Variants in AGPAT3 observed in about 807,000 individuals in gnomAD.
AGPAT3 encodes 1-acyl-sn-glycerol-3-phosphate acyltransferase gamma.
A neutral mutation model predicts 47.3 loss-of-function variants in AGPAT3; 5 were observed. The ratio of observed to expected loss-of-function variants is 0.11; its 90% CI spans 0.06 to 0.22. AGPAT3 has a LOEUF of 0.22. AGPAT3 is among the 10% of genes least tolerant of loss of function. The pLI is 1.00. For missense variants in AGPAT3, 315 were observed against 493.0 expected, an observed-to-expected ratio of 0.64 and a Z score of 3.42; for synonymous variants, 212 against 208.3, an observed-to-expected ratio of 1.02 and a Z score of -0.15.
chr21:43,943,035 A>G (rs1421724198), intron 2 of AGPAT3, among the ~76,000 whole-genome samples: 1 of 152,154 alleles, frequency 6.6e-6, no homozygotes, highest in Non-Finnish European at 1.5e-5. Flanking sequence ...CTGGGTGGCC[A>G]GGGTGCATGG....
intron 1 of AGPAT3, among the ~76,000 whole-genome samples, chr21:43,899,739 G>A (rs949563776): frequency 2.6e-5 from 4 of 152,026 alleles, no homozygotes; most frequent in African/African-American, 9.7e-5. Context: ...GCATCACCTC[G>A]TGTGTGTGTG....
Position 43,872,689 on chromosome 21 carries a change from C to G in AGPAT3, c.-112+7344C>G, listed in dbSNP as rs143411825. 4.5e-4 allele frequency among the ~76,000 whole-genome samples: 69 copies of G among 152,236 alleles called. 1 individual carries two copies. The highest frequency in any genetic ancestry group is 1.5e-3 in the African/African-American group (62 of 41,540). On this transcript the variant is annotated intron_variant, in intron 1 of 9. Coordinates refer to ENST00000291572, the MANE Select transcript of AGPAT3 (RefSeq NM_020132.5). ...CTTCCTTATATCTTTCGTATTTTTC[C>G]TTCCTGTTTTGCTGCCTGGGCCAGG...
At chr21:43,943,205 G>A (rs2087728445) in intron 2 of AGPAT3, among the ~76,000 whole-genome samples, 1 of 152,154 alleles carries the variant, frequency 6.6e-6, no homozygotes, top group South Asian at 2.1e-4. Flanking sequence ...CTCCCGAGTA[G>A]CTGGGACTAC....
chr21:43,944,512 C>T (rs1222567271), intron 2 of AGPAT3, among the ~76,000 whole-genome samples: 3 of 152,362 alleles, frequency 2.0e-5, no homozygotes, highest in Non-Finnish European at 2.9e-5. Flanking sequence ...GGGGCAGATC[C>T]TGGAGGCCAG....
At position 43,908,209 on chromosome 21, in the gene AGPAT3, A is replaced by G. The variant is rs1281328629; in HGVS notation, c.-49+4190A>G. On this transcript the variant is annotated intron_variant, in intron 2 of 9. Transcript: ENST00000291572. The surrounding 1 kb of genome is among the most constrained non-coding windows in gnomAD (Gnocchi z 4.9). The stretch of plus-strand genomic sequence containing the variant: ...AAGCTTCACTTGTGCCCTAAAGCAC[A>G]AAATACCAGGGCTTGGGGTGAATTT... Among the ~76,000 whole-genome samples the G allele has an allele frequency of 6.6e-6, 1 of 152,202 alleles. No individual in the cohort carries two copies. The highest frequency in any genetic ancestry group is 1.5e-5 in the Non-Finnish European group (1 of 68,036).
chr21:43,919,235 C>T (rs1166879150), intron 2 of AGPAT3, among the ~76,000 whole-genome samples: 5 of 149,022 alleles, frequency 3.4e-5, no homozygotes, highest in South Asian at 2.2e-4. Flanking sequence ...TCTTTAGTGG[C>T]GAATTCTGAG....
chr21:43,936,449 T>A (rs1012082121), intron 2 of AGPAT3, among the ~76,000 whole-genome samples: 1 of 152,242 alleles, frequency 6.6e-6, no homozygotes, highest in African/African-American at 2.4e-5. Context: ...ACGGCCACAG[T>A]GCCTCCCTCC....
At chr21:43,929,434 G>A (rs2087168129) in intron 2 of AGPAT3, among the ~76,000 whole-genome samples, 1 of 152,250 alleles carries the variant, frequency 6.6e-6, no homozygotes. Flanking sequence ...TGACCCCAGA[G>A]CGAGTCAAAG....
At chr21:43,871,175 A>C (rs115124605) in intron 1 of AGPAT3, among the ~76,000 whole-genome samples, 556 of 152,368 alleles carry the variant, frequency 3.6e-3, no homozygotes, top group African/African-American at 0.013. Flanking sequence ...GAACTAATTA[A>C]ATGAGGACAA....
intron 2 of AGPAT3, among the ~76,000 whole-genome samples, chr21:43,944,131 C>G (rs1277710327): frequency 1.3e-5 from 2 of 152,258 alleles, no homozygotes; most frequent in Non-Finnish European, 2.9e-5. Flanking sequence ...CACAGCACCA[C>G]GTGTGCTAGG....
Position 43,982,451 on chromosome 21 carries a change from C to A in AGPAT3, c.*59C>A. On this transcript the variant is annotated 3_prime_UTR_variant, in exon 10 of 10. Transcript: ENST00000291572. This position sits in a 1 kb window ranked among gnomAD's most constrained non-coding sequence, Gnocchi z 6.2. Reference sequence around the variant, plus strand: ...CGGTGGTATCCAGTTAACTCAAAACCAACACACAGAGTGCAGGAAAAGACA... The same window carrying A: ...CGGTGGTATCCAGTTAACTCAAAACAAACACACAGAGTGCAGGAAAAGACA... 8.0e-7 allele frequency: 1 copy of A among 1,254,260 alleles called. No individual in the cohort carries two copies. Among genetic ancestry groups the A allele is most frequent in the Non-Finnish European group, 1.2e-6 (1 of 861,202 alleles). The allele number at this position is 1,254,260 out of a possible 1,614,324, so 77.7% of individuals were successfully genotyped here. A position where few individuals can be genotyped will look rare whatever the true frequency, so the allele number is the denominator to read the frequency against.
intron 1 of AGPAT3, among the ~76,000 whole-genome samples, chr21:43,886,449 A>G (rs767168004): frequency 1.3e-5 from 2 of 151,628 alleles, no homozygotes; most frequent in Middle Eastern, 3.2e-3. Context: ...AGATGGTTTC[A>G]CCCTGTTGGC....
intron 1 of AGPAT3, among the ~76,000 whole-genome samples, chr21:43,870,779 T>C (rs1281714922): frequency 6.6e-6 from 1 of 152,222 alleles, no homozygotes; most frequent in Non-Finnish European, 1.5e-5. Flanking sequence ...TGTTTCTTTT[T>C]GGTGAACAAA....
At chr21:43,941,399 C>T (rs2087651544) in intron 2 of AGPAT3, among the ~76,000 whole-genome samples, 1 of 152,154 alleles carries the variant, frequency 6.6e-6, no homozygotes, top group South Asian at 2.1e-4. Flanking sequence ...ACGATCAATA[C>T]TATTTACAAA....
intron 2 of AGPAT3, among the ~76,000 whole-genome samples, chr21:43,956,315 T>C (rs1174510691): frequency 2.0e-5 from 3 of 152,234 alleles, no homozygotes; most frequent in African/African-American, 4.8e-5. Flanking sequence ...CACTGACTTC[T>C]GAGCCTCGCT....
chr21:43,877,985 C>T (rs1249820821), intron 1 of AGPAT3, among the ~76,000 whole-genome samples: 6 of 152,152 alleles, frequency 3.9e-5, no homozygotes, highest in East Asian at 3.9e-4. Flanking sequence ...GCCTCGCTTT[C>T]GACTGAGACT....
intron 2 of AGPAT3, among the ~76,000 whole-genome samples, chr21:43,945,681 G>A (rs898031406): frequency 6.6e-6 from 1 of 152,138 alleles, no homozygotes; most frequent in African/African-American, 2.4e-5. Flanking sequence ...GGCCAAGGGT[G>A]GCTGTTCTGA....
chr21:43,955,120 TG>T lies in AGPAT3; in HGVS notation c.-48-4509del, dbSNP rs1340406449. The T allele has an allele frequency of 1.6e-6, 2 of 1,275,188 alleles. No individual in the cohort carries two copies. The highest frequency in any genetic ancestry group is 1.5e-5 in the African/African-American group (1 of 65,484). The allele number at this position is 1,275,188 out of a possible 1,614,324, so 79.0% of individuals were successfully genotyped here. A position where few individuals can be genotyped will look rare whatever the true frequency, so the allele number is the denominator to read the frequency against. On this transcript the variant is annotated intron_variant, in intron 2 of 9. Coordinates refer to ENST00000291572, the MANE Select transcript of AGPAT3 (RefSeq NM_020132.5). This position sits in a 1 kb window ranked among gnomAD's most constrained non-coding sequence, Gnocchi z 4.1. ...GTATCACCGTGGCACGTCCATGCCG[TG>T]GGGGTCACTCAGCAGCCACGGATGC...
chr21:43,874,058 CAG>C (rs756010752), intron 1 of AGPAT3, among the ~76,000 whole-genome samples: 1 of 152,214 alleles, frequency 6.6e-6, no homozygotes, highest in Non-Finnish European at 1.5e-5. Context: ...TTTTTTGAGA[CAG>C]AGTCTCCCTC....
Sources: gnomAD v4.1 joint callset for allele counts (sites outside exome capture counted in the v4.1 genomes callset) on GRCh38, gnomAD v4.1.1 for gene constraint, Gnocchi (gnomAD v3.1) non-coding constraint, MANE v1.5 for transcripts, NCBI Gene and HGNC (gene_info 2026-07-23, HGNC 2026-07-21) for gene names.